The following UVRAG variants were observed in gnomAD, a reference collection of about 807,000 sequenced individuals.
UVRAG encodes UV radiation resistance associated, also known as UV radiation resistance-associated gene protein.
A neutral mutation model predicts 78.0 loss-of-function variants in UVRAG; 19 were observed. The ratio of observed to expected loss-of-function variants is 0.24; its 90% CI spans 0.17 to 0.36. UVRAG has a LOEUF of 0.36. Ranked by LOEUF, UVRAG falls within the 10% of genes least tolerant of loss-of-function variation. The pLI is 1.00. For synonymous variants in UVRAG, 323 were observed against 324.6 expected (o/e 1.00, Z 0.05); for missense variants, 740 against 853.8 (o/e 0.87, Z 1.66).
intron 7 of UVRAG, among the ~76,000 whole-genome samples, chr11:75,976,512 T>G (rs1226161965): frequency 6.6e-6 from 1 of 152,210 alleles, no homozygotes; most frequent in Non-Finnish European, 1.5e-5. Flanking sequence ...TTTTTTTGGT[T>G]GGTAGGCTCT....
chr11:76,133,329 A>G (rs1952544662), intron 14 of UVRAG, among the ~76,000 whole-genome samples: 1 of 152,194 alleles, frequency 6.6e-6, no homozygotes, highest in Non-Finnish European at 1.5e-5. Flanking sequence ...CGATGGAGCT[A>G]CATGTGGAGC....
At chr11:76,076,005 T>C (rs552267428) in intron 13 of UVRAG, among the ~76,000 whole-genome samples, 1 of 152,348 alleles carries the variant, frequency 6.6e-6, no homozygotes, top group South Asian at 2.1e-4. Flanking sequence ...GTTGATAGAC[T>C]TTTGGGATGT....
At chr11:75,974,658 G>A (rs1373983943) in intron 7 of UVRAG, among the ~76,000 whole-genome samples, 1 of 152,174 alleles carries the variant, frequency 6.6e-6, no homozygotes, top group Non-Finnish European at 1.5e-5. Flanking sequence ...GAGCCACCGC[G>A]CCCGGCCAAA....
chr11:75,909,176 C>G (rs1016566193), intron 5 of UVRAG, among the ~76,000 whole-genome samples: 4 of 151,890 alleles, frequency 2.6e-5, no homozygotes, highest in African/African-American at 7.2e-5. Context: ...AGTAAGACAC[C>G]CTTCTCTATA....
chr11:76,089,012 G>A (rs2134423659), intron 13 of UVRAG, among the ~76,000 whole-genome samples: 1 of 152,282 alleles, frequency 6.6e-6, no homozygotes, highest in Non-Finnish European at 1.5e-5. Flanking sequence ...GGAAAGGTTT[G>A]CACATGCATG....
intron 12 of UVRAG, among the ~76,000 whole-genome samples, chr11:76,051,030 A>G (rs1265983004): frequency 6.6e-6 from 1 of 152,194 alleles, no homozygotes; most frequent in East Asian, 1.9e-4. Flanking sequence ...AGGATTGAGT[A>G]CCTGTTATCA....
intron 8 of UVRAG, among the ~76,000 whole-genome samples, chr11:76,000,024 A>T (rs1215757833): frequency 6.6e-6 from 1 of 152,238 alleles, no homozygotes; most frequent in Non-Finnish European, 1.5e-5. Context: ...ACCAATAAAC[A>T]TTTTTAAAGA....
intron 6 of UVRAG, among the ~76,000 whole-genome samples, chr11:75,924,329 A>G (rs1168533182): frequency 2.0e-5 from 3 of 151,882 alleles, no homozygotes; most frequent in Non-Finnish European, 2.9e-5. Flanking sequence ...TTAATATTTC[A>G]TTTTGGATAC....
chr11:75,848,943 C>T lies in UVRAG; in HGVS notation c.118-2940C>T, dbSNP rs1372292487. Among the ~76,000 whole-genome samples the T allele has an allele frequency of 2.6e-5, 4 of 152,080 alleles. No homozygotes were observed. The East Asian group carries it at 7.7e-4, about 29-fold the overall frequency. ...ACTGTAATCTCAGCACTTTGGGGAG[C>T]TGAGGCAGGTCGATCACCTGAGGTC... On this transcript the variant is annotated intron_variant, in intron 1 of 14. Transcript: ENST00000356136.
At chr11:75,852,070 C>A in intron 2 of UVRAG, 70 bp downstream of exon 2, 1 of 1,072,840 alleles carries the variant, frequency 9.3e-7, no homozygotes, top group Non-Finnish European at 1.4e-6. Flanking sequence ...ACAAGTGATT[C>A]TCAGTGCCTC....
At chr11:75,902,469 G>C (rs1373473118) in intron 5 of UVRAG, among the ~76,000 whole-genome samples, 5 of 152,130 alleles carry the variant, frequency 3.3e-5, no homozygotes, top group Admixed American at 6.5e-5. Flanking sequence ...TGGGGGTTGG[G>C]AACCCCTGAT....
chr11:75,942,078 A>AT (rs776370877), intron 6 of UVRAG: 1 of 152,334 alleles, frequency 6.6e-6, no homozygotes, highest in Non-Finnish European at 1.5e-5. Flanking sequence ...TGAATACTAC[A>AT]TTGCAAAAGA....
At chr11:75,982,193 T>C (rs1041354263) in intron 7 of UVRAG, among the ~76,000 whole-genome samples, 3 of 152,198 alleles carry the variant, frequency 2.0e-5, no homozygotes, top group Non-Finnish European at 2.9e-5. Flanking sequence ...CTCTGAGACC[T>C]CTCTGGTAGG....
intron 6 of UVRAG, among the ~76,000 whole-genome samples, chr11:75,917,704 C>G (rs1176270270): frequency 6.6e-6 from 1 of 152,124 alleles, no homozygotes; most frequent in East Asian, 1.9e-4. Flanking sequence ...CTTTTCTTTT[C>G]CCTGGTTTGT....
chr11:75,875,926 C>T (rs1408250827), intron 3 of UVRAG, among the ~76,000 whole-genome samples: 1 of 152,152 alleles, frequency 6.6e-6, no homozygotes, highest in Non-Finnish European at 1.5e-5. Context: ...GTAATCCTAG[C>T]ACTTTGGGAC....
At chr11:75,934,159 A>G (rs1291344960) in intron 6 of UVRAG, among the ~76,000 whole-genome samples, 1 of 152,252 alleles carries the variant, frequency 6.6e-6, no homozygotes, top group South Asian at 2.1e-4. Flanking sequence ...CTATTCCGCC[A>G]TTAAAAAAAT....
Position 75,903,615 on chromosome 11 carries a change from C to G in UVRAG, c.508-8339C>G, listed in dbSNP as rs572051051. ...ACTTAATCCATCCCAAATACTGCCACCCCTGCAGTCTTTGATGTTCCTGCT... is the reference window on the plus strand; with the variant it reads ...ACTTAATCCATCCCAAATACTGCCAGCCCTGCAGTCTTTGATGTTCCTGCT... On this transcript the variant is annotated intron_variant, in intron 5 of 14. Coordinates refer to ENST00000356136, the MANE Select transcript of UVRAG (RefSeq NM_003369.4). 6.6e-5 allele frequency among the ~76,000 whole-genome samples: 10 copies of G among 152,320 alleles called. No individual in the cohort carries two copies. The East Asian group carries it at 1.9e-3, about 29-fold the overall frequency.
At chr11:75,829,703 T>G (rs1430084515) in intron 1 of UVRAG, among the ~76,000 whole-genome samples, 2 of 152,228 alleles carry the variant, frequency 1.3e-5, no homozygotes, top group African/African-American at 4.8e-5. Flanking sequence ...AGGGTCTTAG[T>G]AGCAAGTACT....
chr11:75,863,230 A>G (rs769374714), intron 3 of UVRAG, among the ~76,000 whole-genome samples: 5 of 152,244 alleles, frequency 3.3e-5, no homozygotes, highest in Non-Finnish European at 7.3e-5. Flanking sequence ...TTCTACGTAT[A>G]TTATATGATA....
Sources: gnomAD v4.1 joint callset for allele counts (sites outside exome capture counted in the v4.1 genomes callset) on GRCh38, gnomAD v4.1.1 for gene constraint, MANE v1.5 for transcripts, NCBI Gene and HGNC (gene_info 2026-07-23, HGNC 2026-07-21) for gene names.